The following CPQ variants were observed in gnomAD, a reference collection of about 807,000 sequenced individuals.
CPQ encodes carboxypeptidase Q.
In CPQ, 37 loss-of-function variants were observed where a neutral mutation model predicts 45.7. The ratio of observed to expected loss-of-function variants is 0.81; its 90% CI spans 0.62 to 1.07. CPQ has a LOEUF of 1.07. Ranked by LOEUF, CPQ falls within the 50% of genes least tolerant of loss-of-function variation. The probability of loss-of-function intolerance (pLI) is 0.00; values close to 1 mark genes in which losing one functional copy is unlikely to be tolerated. For missense variants in CPQ, 537 were observed against 572.9 expected (o/e 0.94, Z 0.64); for synonymous variants, 186 against 205.8 (o/e 0.90, Z 0.82).
chr8:96,979,315 A>T (rs952899510), intron 5 of CPQ, among the ~76,000 whole-genome samples: 1 of 152,228 alleles, frequency 6.6e-6, no homozygotes, highest in Non-Finnish European at 1.5e-5. Context: ...CTGCTAAAGT[A>T]CTATGATAAA....
intron 7 of CPQ, among the ~76,000 whole-genome samples, chr8:97,106,851 G>A (rs1376620078): frequency 2.6e-5 from 4 of 152,192 alleles, no homozygotes; most frequent in East Asian, 1.9e-4. Context: ...GGAAGAAAAC[G>A]AAAGAGAGTG....
chr8:96,724,525 A>ACACC (rs1040690569), intron 1 of CPQ, among the ~76,000 whole-genome samples: 66 of 142,794 alleles, frequency 4.6e-4, no homozygotes, highest in African/African-American at 1.6e-3. Context: ...ACACACACAC[A>ACACC]CCCCTAGGAA....
chr8:96,716,761 G>T (rs1345526738), intron 1 of CPQ, among the ~76,000 whole-genome samples: 4 of 151,902 alleles, frequency 2.6e-5, no homozygotes, highest in Non-Finnish European at 5.9e-5. Flanking sequence ...TACAACATTA[G>T]CTGGGTGTGT....
chr8:96,747,017 G>A (rs1810194821), intron 1 of CPQ, among the ~76,000 whole-genome samples: 1 of 152,128 alleles, frequency 6.6e-6, no homozygotes, highest in African/African-American at 2.4e-5. Context: ...TGGGCCAGTC[G>A]CAGTGGCTCA....
chr8:97,043,791 T>C (rs1810178964), intron 6 of CPQ, among the ~76,000 whole-genome samples: 1 of 152,230 alleles, frequency 6.6e-6, no homozygotes, highest in Non-Finnish European at 1.5e-5. Flanking sequence ...TTCTTTCCTT[T>C]AAGAATGTTG....
rs71512450 is a variant in CPQ, at chr8:97,101,913, GCT to G, written c.1255+35731_1255+35732del. ...TTCATTTTTATTCATTAGATTGGTGGCTCTCTCTCTCTCTCTCTCTCTCTCTC... is the reference window on the plus strand; with the variant it reads ...TTCATTTTTATTCATTAGATTGGTGGCTCTCTCTCTCTCTCTCTCTCTCTC... On this transcript the variant is annotated intron_variant, in intron 7 of 7. Coordinates refer to ENST00000220763, the MANE Select transcript of CPQ (RefSeq NM_016134.4). Among the ~76,000 whole-genome samples, 628 of 119,466 alleles carry G rather than the reference GCT, an allele frequency of 5.3e-3. 8 individuals are homozygous for G. The highest frequency in any genetic ancestry group is 0.015 in the African/African-American group (434 of 28,074). 78.4% of individuals were successfully genotyped at this position (119,466 alleles called of 152,430 possible).
chr8:96,971,973 A>G (rs1024231741), intron 5 of CPQ, among the ~76,000 whole-genome samples: 1 of 152,242 alleles, frequency 6.6e-6, no homozygotes, highest in African/African-American at 2.4e-5. Context: ...AACTACCTCA[A>G]GAACATATCA....
intron 6 of CPQ, among the ~76,000 whole-genome samples, chr8:97,041,592 G>A (rs541628552): frequency 2.6e-5 from 4 of 152,124 alleles, no homozygotes; most frequent in African/African-American, 9.7e-5. Flanking sequence ...TCCAGTTTTT[G>A]CCCATTCAGT....
chr8:97,073,157 C>G (rs942848252), intron 7 of CPQ, among the ~76,000 whole-genome samples: 8 of 152,102 alleles, frequency 5.3e-5, no homozygotes, highest in Admixed American at 5.2e-4. Flanking sequence ...GTTGAAGTAC[C>G]AAATACACAG....
At chr8:97,114,678 T>C (rs1811553113) in intron 7 of CPQ, among the ~76,000 whole-genome samples, 1 of 152,212 alleles carries the variant, frequency 6.6e-6, no homozygotes, top group African/African-American at 2.4e-5. Context: ...CACGGTCTTG[T>C]CAGACACCAG....
chr8:96,928,273 CAATTA>C (rs1812919590), intron 4 of CPQ, among the ~76,000 whole-genome samples: 1 of 151,838 alleles, frequency 6.6e-6, no homozygotes, highest in Non-Finnish European at 1.5e-5. Flanking sequence ...TAAACCAAAG[CAATTA>C]AATTAAATGG....
At chr8:96,738,791 C>G (rs1810033736) in intron 1 of CPQ, among the ~76,000 whole-genome samples, 1 of 152,178 alleles carries the variant, frequency 6.6e-6, no homozygotes, top group African/African-American at 2.4e-5. Context: ...GACATGAACT[C>G]ACCATTTTTT....
At chr8:96,656,684 G>A (rs1815641835) in intron 1 of CPQ, among the ~76,000 whole-genome samples, 1 of 152,174 alleles carries the variant, frequency 6.6e-6, no homozygotes, top group Admixed American at 6.5e-5. Flanking sequence ...CCTGGGTAAG[G>A]CATTGAGGTC....
At chr8:96,646,520 A>G (rs1264954339) in intron 1 of CPQ, among the ~76,000 whole-genome samples, 1 of 152,214 alleles carries the variant, frequency 6.6e-6, no homozygotes, top group Non-Finnish European at 1.5e-5. Flanking sequence ...AGGTGACTGA[A>G]GAAGGCTACA....
intron 5 of CPQ, among the ~76,000 whole-genome samples, chr8:96,984,361 G>A (rs7827661): frequency 0.079 from 11,956 of 152,160 alleles, 900 homozygotes; most frequent in African/African-American, 0.2. Flanking sequence ...CAACAGTGTG[G>A]GGAGGTGAAG....
intron 2 of CPQ, among the ~76,000 whole-genome samples, chr8:96,825,422 G>T (rs1232362426): frequency 6.6e-6 from 1 of 152,008 alleles, no homozygotes; most frequent in African/African-American, 2.4e-5. Context: ...TCCAAGCACT[G>T]TCACTTTCTA....
At chr8:97,066,459 A>C (rs1810638227) in intron 7 of CPQ, among the ~76,000 whole-genome samples, 1 of 152,186 alleles carries the variant, frequency 6.6e-6, no homozygotes, top group South Asian at 2.1e-4. Context: ...ATTCTGATTT[A>C]GTCATTCTGG....
chr8:96,944,074 G>GAGTT (rs1187536757), intron 4 of CPQ, among the ~76,000 whole-genome samples: 3 of 152,050 alleles, frequency 2.0e-5, no homozygotes, highest in African/African-American at 7.2e-5. Context: ...AATCTCTCTG[G>GAGTT]AGTTATACAG....
intron 1 of CPQ, among the ~76,000 whole-genome samples, chr8:96,669,692 A>G (rs536917038): frequency 6.6e-6 from 1 of 152,384 alleles, no homozygotes; most frequent in East Asian, 1.9e-4. Context: ...GTAACAATTT[A>G]AAACAGATTG....
Sources: allele counts gnomAD v4.1 joint callset (sites outside exome capture counted in the v4.1 genomes callset), GRCh38; gene constraint gnomAD v4.1.1; transcripts MANE v1.5; gene names NCBI Gene and HGNC (gene_info 2026-07-23, HGNC 2026-07-21).